The following RAD51B variants were observed in gnomAD, a reference collection of about 807,000 sequenced individuals.
RAD51B encodes DNA repair protein RAD51 homolog 2.
In RAD51B, 38 loss-of-function variants were observed where a neutral mutation model predicts 42.2. The observed-to-expected ratio is 0.90, with a 90% CI of 0.70 to 1.18. The LOEUF (loss-of-function observed/expected upper bound fraction) is 1.18, where lower values mean the gene tolerates loss of function less well. Ranked by LOEUF, RAD51B falls within the 50% of genes most tolerant of loss-of-function variation. The pLI, the probability that RAD51B is intolerant of heterozygous loss-of-function variation, is 0.00. For synonymous variants in RAD51B, 154 were observed against 145.2 expected (o/e 1.06, Z -0.43); for missense variants, 373 against 400.7 (o/e 0.93, Z 0.59).
intron 7 of RAD51B, among the ~76,000 whole-genome samples, chr14:68,076,376 G>T (rs2140479540): frequency 6.6e-6 from 1 of 152,260 alleles, no homozygotes; most frequent in East Asian, 1.9e-4. Context: ...TCAAGAACAG[G>T]TAAGAATGAG....
intron 7 of RAD51B, among the ~76,000 whole-genome samples, chr14:68,155,632 G>T (rs867847687): frequency 2.0e-5 from 3 of 152,228 alleles, no homozygotes; most frequent in East Asian, 3.9e-4. Context: ...TCTTCTTATG[G>T]TTCCTATAAT....
chr14:68,577,253 G>A (rs2285883), intron 10 of RAD51B, among the ~76,000 whole-genome samples: 39,218 of 152,010 alleles, frequency 0.26, 5,364 homozygotes, highest in African/African-American at 0.35. Context: ...AGGTTTGCAC[G>A]TTCTGAGTTC....
intron 7 of RAD51B, among the ~76,000 whole-genome samples, chr14:67,995,254 G>A (rs1026696048): frequency 1.3e-5 from 2 of 151,964 alleles, no homozygotes; most frequent in African/African-American, 4.8e-5. Flanking sequence ...GGCGTGGTTG[G>A]CACGCACCTG....
chr14:67,923,773 T>A (rs2044411649), intron 7 of RAD51B, among the ~76,000 whole-genome samples: 1 of 152,226 alleles, frequency 6.6e-6, no homozygotes, highest in South Asian at 2.1e-4. Flanking sequence ...AAATGGTAGA[T>A]CTACTTTTAG....
At chr14:68,329,608 C>T (rs181970557) in intron 8 of RAD51B, among the ~76,000 whole-genome samples, 1 of 152,098 alleles carries the variant, frequency 6.6e-6, no homozygotes. Flanking sequence ...TTGCTAAAAC[C>T]CTGTAGAGGC....
intron 7 of RAD51B, among the ~76,000 whole-genome samples, chr14:68,144,870 A>G (rs34122154): frequency 1.5e-3 from 222 of 152,292 alleles, no homozygotes; most frequent in African/African-American, 5.1e-3. Context: ...CTTTTTGTAT[A>G]CTATATAAAG....
intron 7 of RAD51B, among the ~76,000 whole-genome samples, chr14:68,245,903 G>A (rs1277760414): frequency 6.6e-6 from 1 of 152,098 alleles, no homozygotes; most frequent in African/African-American, 2.4e-5. Context: ...AGTGCGGGGA[G>A]TGAAGGAGGG....
At position 67,835,173 on chromosome 14, in the gene RAD51B, G is replaced by T. The variant is rs2041192203; in HGVS notation, c.292G>T (p.Val98Leu). The change falls in exon 4 of 11, where the codon GTG (valine) becomes TTG (leucine). Residue 98 changes from valine to leucine, a missense_variant. Transcript: ENST00000471583. ...TTTGGACGAAGCCCTGCATGGTGGTGTGGCTTGTGGATCCCTCACAGAGGT... is the reference window on the plus strand; with the variant it reads ...TTTGGACGAAGCCCTGCATGGTGGTTTGGCTTGTGGATCCCTCACAGAGGT... ...SALDEALHGG[V>L]ACGSLTEITG... The T allele has an allele frequency of 6.2e-7, 1 of 1,613,612 alleles. No individual in the cohort carries two copies. Among genetic ancestry groups the T allele is most frequent in the Non-Finnish European group, 8.5e-7 (1 of 1,179,702 alleles).
chr14:68,277,390 T>C (rs1199822174), intron 7 of RAD51B, among the ~76,000 whole-genome samples: 1 of 152,176 alleles, frequency 6.6e-6, no homozygotes, highest in Non-Finnish European at 1.5e-5. Context: ...CTCATGGAGG[T>C]TATTCTTTCA....
chr14:68,585,821 G>A (rs1295805968), intron 10 of RAD51B, among the ~76,000 whole-genome samples: 1 of 152,188 alleles, frequency 6.6e-6, no homozygotes, highest in Non-Finnish European at 1.5e-5. Context: ...TTCTGGTAGA[G>A]ATTTTATAAA....
intron 10 of RAD51B, among the ~76,000 whole-genome samples, chr14:68,512,397 T>C (rs1232084408): frequency 1.3e-5 from 2 of 152,276 alleles, no homozygotes; most frequent in East Asian, 1.9e-4. Flanking sequence ...TTTACCTCTA[T>C]GTGGATAATT....
chr14:68,176,368 C>G (rs1374952346), intron 7 of RAD51B, among the ~76,000 whole-genome samples: 4 of 152,148 alleles, frequency 2.6e-5, no homozygotes, highest in Non-Finnish European at 5.9e-5. Context: ...AACCTGTACT[C>G]TTAATCAGTA....
At chr14:68,009,034 ATTG>A (rs1038174635) in intron 7 of RAD51B, among the ~76,000 whole-genome samples, 5 of 151,950 alleles carry the variant, frequency 3.3e-5, no homozygotes, top group Admixed American at 6.6e-5. Flanking sequence ...TTAAAAAACT[ATTG>A]TTGTTGTTGA....
chr14:68,475,422 A>G (rs2140248768), intron 10 of RAD51B, among the ~76,000 whole-genome samples: 1 of 152,250 alleles, frequency 6.6e-6, no homozygotes, highest in Admixed American at 6.5e-5. Context: ...TGCCATCAGG[A>G]CCCTCTTTGG....
intron 5 of RAD51B, among the ~76,000 whole-genome samples, chr14:67,873,962 T>C (rs2042637364): frequency 1.4e-5 from 2 of 140,674 alleles, no homozygotes; most frequent in African/African-American, 5.2e-5. Context: ...GGGGGAGGGA[T>C]AGCATTGGGA....
intron 10 of RAD51B, among the ~76,000 whole-genome samples, chr14:68,528,581 G>C (rs1437197097): frequency 6.6e-6 from 1 of 152,160 alleles, no homozygotes; most frequent in Non-Finnish European, 1.5e-5. Context: ...GTGGCATGAA[G>C]AGCAAGAAAG....
intron 7 of RAD51B, among the ~76,000 whole-genome samples, chr14:67,952,905 A>G (rs769927049): frequency 1.3e-5 from 2 of 151,862 alleles, no homozygotes; most frequent in Non-Finnish European, 2.9e-5. Context: ...TTTTTTTTTA[A>G]TAAATGCTTA....
intron 8 of RAD51B, among the ~76,000 whole-genome samples, chr14:68,399,537 G>A (rs923995545): frequency 1.6e-4 from 24 of 152,120 alleles, no homozygotes; most frequent in African/African-American, 4.3e-4. Context: ...GATTACAGGC[G>A]TGAGCCACCA....
At position 68,611,502 on chromosome 14, in the gene RAD51B, C is replaced by T. The variant is rs1891681729; in HGVS notation, c.*255C>T. ...GCAGAGTGATTAGAGCTTCTGCCCT[C>T]CTTGCAGCATCTCTATTGTAAAAGG... On this transcript the variant is annotated 3_prime_UTR_variant, in exon 11 of 11. Coordinates refer to the RAD51B transcript ENST00000487861. 15 of 514,288 alleles carry T rather than the reference C, an allele frequency of 2.9e-5. No individual in the cohort carries two copies. In the South Asian group the frequency reaches 3.4e-4, roughly 12 times the overall value. 31.9% of individuals were successfully genotyped at this position (514,288 alleles called of 1,614,324 possible).
Sources: gnomAD v4.1 joint callset for allele counts (sites outside exome capture counted in the v4.1 genomes callset) on GRCh38, gnomAD v4.1.1 for gene constraint, MANE v1.5 for transcripts, NCBI Gene and HGNC (gene_info 2026-07-23, HGNC 2026-07-21) for gene names.